The following NT5DC1 variants were observed in gnomAD, a reference collection of about 807,000 sequenced individuals.
The protein encoded by NT5DC1 is 5'-nucleotidase domain containing 1.
NT5DC1 carries 42 observed loss-of-function variants against 59.4 expected under a neutral mutation model. The observed-to-expected ratio is 0.71, with a 90% CI of 0.55 to 0.92. The LOEUF (loss-of-function observed/expected upper bound fraction) is 0.92. Ranked by LOEUF, NT5DC1 falls within the 40% of genes least tolerant of loss-of-function variation. The probability of loss-of-function intolerance (pLI) is 0.00; values close to 1 mark genes in which losing one functional copy is unlikely to be tolerated. For synonymous variants in NT5DC1, 172 were observed against 188.1 expected, an observed-to-expected ratio of 0.91 and a Z score of 0.70; for missense variants, 501 against 537.1, an observed-to-expected ratio of 0.93 and a Z score of 0.66.
intron 6 of NT5DC1, among the ~76,000 whole-genome samples, chr6:116,123,541 C>T (rs1779201167): frequency 6.6e-6 from 1 of 152,238 alleles, no homozygotes; most frequent in Non-Finnish European, 1.5e-5. Flanking sequence ...TCCTCTGCAG[C>T]ATAATTTAGT....
intron 8 of NT5DC1, among the ~76,000 whole-genome samples, chr6:116,235,880 C>G (rs1409851604): frequency 2.1e-5 from 3 of 142,594 alleles, no homozygotes; most frequent in African/African-American, 8.7e-5. Flanking sequence ...CTGTCCTACT[C>G]CAGGGTTGAT....
chr6:116,136,618 A>G (rs1779610751), intron 6 of NT5DC1, among the ~76,000 whole-genome samples: 1 of 152,224 alleles, frequency 6.6e-6, no homozygotes, highest in Non-Finnish European at 1.5e-5. Context: ...TATTTGAGTC[A>G]AATTTCATTT....
intron 6 of NT5DC1, among the ~76,000 whole-genome samples, chr6:116,123,021 A>G (rs1779181733): frequency 6.6e-6 from 1 of 152,234 alleles, no homozygotes; most frequent in South Asian, 2.1e-4. Context: ...GGATATTGAT[A>G]TATTGCAAAT....
At chr6:116,116,124 G>C (rs11153597) in intron 5 of NT5DC1, among the ~76,000 whole-genome samples, 2 of 151,936 alleles carry the variant, frequency 1.3e-5, no homozygotes, top group East Asian at 1.9e-4. Context: ...AAAATTCAGC[G>C]TGTCTTTAAG....
chr6:116,108,012 G>A (rs1417665436), intron 2 of NT5DC1, among the ~76,000 whole-genome samples: 1 of 151,428 alleles, frequency 6.6e-6, no homozygotes, highest in Non-Finnish European at 1.5e-5. Flanking sequence ...GTGTGTGTAT[G>A]TGTGTTTTAT....
Position 116,238,321 on chromosome 6 carries a change from G to C in NT5DC1, c.1056G>C (p.Glu352Asp). 6.2e-7 allele frequency: 1 copy of C among 1,609,526 alleles called. No individual in the cohort carries two copies. Among genetic ancestry groups the C allele is most frequent in the Non-Finnish European group, 8.5e-7 (1 of 1,178,300 alleles). Reference sequence around the variant, plus strand: ...GGAGTCAGAGGCCTGAGGAGTCAGAGCCTCTAGAGAAGAAAGGAAAATATG... The same window carrying C: ...GGAGTCAGAGGCCTGAGGAGTCAGACCCTCTAGAGAAGAAAGGAAAATATG... Reference protein sequence around the residue: ...GTRSQRPEESEPLEKKGKYEG... With the variant: ...GTRSQRPEESDPLEKKGKYEG... Residue 352 changes from glutamate to aspartate, a missense_variant, in exon 10 of 12, where the codon GAG becomes GAC. By Grantham distance (45) the Glu-to-Asp change is conservative. Transcript: ENST00000319550.
chr6:116,161,567 A>G (rs1010143407), intron 6 of NT5DC1, among the ~76,000 whole-genome samples: 2 of 151,990 alleles, frequency 1.3e-5, no homozygotes, highest in Non-Finnish European at 1.5e-5. Flanking sequence ...TGGGTTCTCT[A>G]TTCTGCTCCA....
At chr6:116,146,111 C>T (rs1779893084) in intron 6 of NT5DC1, among the ~76,000 whole-genome samples, 1 of 152,158 alleles carries the variant, frequency 6.6e-6, no homozygotes, top group Non-Finnish European at 1.5e-5. Flanking sequence ...ATTATGGTTA[C>T]AGTTAATACT....
chr6:116,167,762 G>C (rs12209373), intron 6 of NT5DC1, among the ~76,000 whole-genome samples: 15 of 152,152 alleles, frequency 9.9e-5, no homozygotes, highest in African/African-American at 3.6e-4. Context: ...GGATAATTAC[G>C]TTGCATAGCC....
At chr6:116,194,162 A>C (rs926238615) in intron 6 of NT5DC1, among the ~76,000 whole-genome samples, 13 of 152,120 alleles carry the variant, frequency 8.5e-5, no homozygotes, top group African/African-American at 3.1e-4. Context: ...CAGAATGTAC[A>C]AAAAATGTGA....
At chr6:116,233,609 T>C (rs1388937516) in intron 8 of NT5DC1, among the ~76,000 whole-genome samples, 1 of 152,200 alleles carries the variant, frequency 6.6e-6, no homozygotes, top group Non-Finnish European at 1.5e-5. Context: ...TCATCTTACT[T>C]TGTCTTCTAG....
chr6:116,107,666 G>A (rs1310436996), intron 2 of NT5DC1, among the ~76,000 whole-genome samples: 2 of 151,492 alleles, frequency 1.3e-5, no homozygotes, highest in African/African-American at 2.4e-5. Context: ...TCTGCCTCCC[G>A]GGTTCATGCC....
In NT5DC1 at chr6:116,200,526, G is replaced by A. The variant is rs527511200; in HGVS notation, c.530-20528G>A. 5.9e-5 allele frequency among the ~76,000 whole-genome samples: 9 copies of A among 152,034 alleles called. No individual in the cohort carries two copies. In the South Asian group the frequency reaches 1.9e-3, roughly 32 times the overall value. ...TCTGGACTATCTTTGTAATTTTTCT[G>A]TCCATCTAAAACTACTAAAATTAAA... On this transcript the variant is annotated intron_variant, in intron 6 of 11. Coordinates refer to ENST00000319550, the MANE Select transcript of NT5DC1 (RefSeq NM_152729.3).
intron 6 of NT5DC1, chr6:116,125,475 G>A: frequency 6.2e-7 from 1 of 1,613,750 alleles, no homozygotes; most frequent in South Asian, 1.1e-5. Context: ...GCAGCAAAAA[G>A]GGTATTTGTG....
At chr6:116,219,715 G>T (rs939072313) in intron 6 of NT5DC1, among the ~76,000 whole-genome samples, 1 of 152,000 alleles carries the variant, frequency 6.6e-6, no homozygotes, top group Non-Finnish European at 1.5e-5. Flanking sequence ...CCAGCACTTT[G>T]GGAGGCAGAG....
At chr6:116,113,963 T>A (rs1016397611) in intron 4 of NT5DC1, among the ~76,000 whole-genome samples, 1 of 152,152 alleles carries the variant, frequency 6.6e-6, no homozygotes, top group African/African-American at 2.4e-5. Flanking sequence ...TTGCCCACTG[T>A]CCTAAGTCTT....
At chr6:116,142,839 G>A (rs895890942) in intron 6 of NT5DC1, among the ~76,000 whole-genome samples, 11 of 152,148 alleles carry the variant, frequency 7.2e-5, no homozygotes, top group South Asian at 4.1e-4. Flanking sequence ...TTATTTTCGT[G>A]TTCTGATGCC....
chr6:116,242,956 A>C (rs1023761450), intron 11 of NT5DC1, among the ~76,000 whole-genome samples: 1 of 152,122 alleles, frequency 6.6e-6, no homozygotes, highest in African/African-American at 2.4e-5. Context: ...GCACCAGAGG[A>C]GAAAAGCTGA....
chr6:116,140,801 C>G (rs1209156595), intron 6 of NT5DC1, among the ~76,000 whole-genome samples: 1 of 152,098 alleles, frequency 6.6e-6, no homozygotes, highest in African/African-American at 2.4e-5. Flanking sequence ...TTTGTCCATA[C>G]TGATGTGTGG....
Sources: gnomAD v4.1 joint callset for allele counts (sites outside exome capture counted in the v4.1 genomes callset) on GRCh38, gnomAD v4.1.1 for gene constraint, MANE v1.5 for transcripts, NCBI Gene and HGNC (gene_info 2026-07-23, HGNC 2026-07-21) for gene names.